Variants in DTNA observed in about 807,000 individuals in gnomAD.
DTNA encodes the protein dystrobrevin alpha, also known as dystrophin-related protein 3.
A neutral mutation model predicts 100.7 loss-of-function variants in DTNA; 43 were observed. That is an observed-to-expected ratio of 0.43 (90% CI 0.33 to 0.55). The LOEUF (loss-of-function observed/expected upper bound fraction) is 0.55. DTNA is among the 20% of genes least tolerant of loss of function. DTNA has a pLI of 0.04. For missense variants in DTNA, 798 were observed against 953.9 expected, an observed-to-expected ratio of 0.84 and a Z score of 2.15; for synonymous variants, 349 against 347.9, an observed-to-expected ratio of 1.00 and a Z score of -0.04.
chr18:34,564,128 C>T (rs199813819), intron 1 of DTNA, among the ~76,000 whole-genome samples: 3 of 151,946 alleles, frequency 2.0e-5, no homozygotes, highest in South Asian at 2.1e-4. Context: ...TTGTGCCCTT[C>T]GACCAACATG....
intron 1 of DTNA, among the ~76,000 whole-genome samples, chr18:34,612,775 C>T (rs1262115326): frequency 1.3e-5 from 2 of 152,146 alleles, no homozygotes; most frequent in Non-Finnish European, 2.9e-5. Flanking sequence ...GTGCCTTGTT[C>T]TTGCCTTATA....
chr18:34,669,744 G>C (rs1478909555), intron 1 of DTNA, among the ~76,000 whole-genome samples: 1 of 152,136 alleles, frequency 6.6e-6, no homozygotes, highest in Admixed American at 6.6e-5. Context: ...TAAGAATGTT[G>C]AATATTGGCC....
intron 1 of DTNA, among the ~76,000 whole-genome samples, chr18:34,665,992 C>T (rs1044341209): frequency 1.3e-5 from 2 of 152,170 alleles, no homozygotes; most frequent in Admixed American, 6.5e-5. Flanking sequence ...CCTGAGGAAT[C>T]GCCACACTGT....
intron 1 of DTNA, among the ~76,000 whole-genome samples, chr18:34,684,213 C>T (rs1438082350): frequency 2.0e-5 from 3 of 152,084 alleles, no homozygotes; most frequent in African/African-American, 7.2e-5. Context: ...GTTTGCTACA[C>T]AGGCATACAG....
intron 1 of DTNA, among the ~76,000 whole-genome samples, chr18:34,559,621 G>T (rs749116037): frequency 2.2e-4 from 33 of 152,122 alleles, no homozygotes; most frequent in Admixed American, 9.2e-4. Flanking sequence ...ATTCACCAAG[G>T]CTCATATAAT....
chr18:34,744,800 TGTCTGTGTG>T (rs2091298984), intron 1 of DTNA, among the ~76,000 whole-genome samples: 1 of 152,184 alleles, frequency 6.6e-6, no homozygotes, highest in African/African-American at 2.4e-5. Flanking sequence ...TGTCCGTGTG[TGTCTGTGTG>T]GGCAGTGCCC....
intron 1 of DTNA, among the ~76,000 whole-genome samples, chr18:34,515,948 G>A: frequency 6.6e-6 from 1 of 152,058 alleles, no homozygotes; most frequent in South Asian, 2.1e-4. Context: ...TAAACAAACT[G>A]CTCAATGTCA....
intron 1 of DTNA, among the ~76,000 whole-genome samples, chr18:34,635,955 TTGTC>T (rs1184403789): frequency 6.6e-6 from 1 of 152,078 alleles, no homozygotes; most frequent in Non-Finnish European, 1.5e-5. Flanking sequence ...TAACCATAGT[TTGTC>T]TGTCAGTCTT....
intron 1 of DTNA, among the ~76,000 whole-genome samples, chr18:34,581,194 G>C (rs1465276012): frequency 6.6e-6 from 1 of 152,196 alleles, no homozygotes; most frequent in Non-Finnish European, 1.5e-5. Flanking sequence ...CTTGCAGTGA[G>C]CTGAGATCGC....
intron 1 of DTNA, among the ~76,000 whole-genome samples, chr18:34,717,611 G>T (rs1332585931): frequency 1.3e-5 from 2 of 152,038 alleles, no homozygotes; most frequent in Admixed American, 6.6e-5. Context: ...ATTTGTGTTG[G>T]ACACTGACAT....
chr18:34,738,554 T>C (rs991896617), intron 1 of DTNA, among the ~76,000 whole-genome samples: 126 of 152,330 alleles, frequency 8.3e-4, no homozygotes, highest in African/African-American at 2.6e-3. Context: ...GCTTTGAAGC[T>C]GGGCTGGAGG....
chr18:34,686,204 C>T (rs2078876843), intron 1 of DTNA, among the ~76,000 whole-genome samples: 1 of 152,098 alleles, frequency 6.6e-6, no homozygotes, highest in Non-Finnish European at 1.5e-5. Flanking sequence ...AGAGGGCATC[C>T]TTGTCTTGTG....
chr18:34,550,585 C>A (rs559148702), intron 1 of DTNA, among the ~76,000 whole-genome samples: 8 of 152,188 alleles, frequency 5.3e-5, no homozygotes, highest in Admixed American at 2.0e-4. Flanking sequence ...TCATTTTGGG[C>A]CTGTCTACAT....
At chr18:34,548,263 C>A (rs1601716520) in intron 1 of DTNA, among the ~76,000 whole-genome samples, 2 of 152,080 alleles carry the variant, frequency 1.3e-5, no homozygotes, top group Middle Eastern at 6.8e-3. Context: ...TGTAGTCTTG[C>A]CTGAAGGTGT....
chr18:34,861,341 C>T (rs901239234), intron 16 of DTNA, among the ~76,000 whole-genome samples: 2 of 151,808 alleles, frequency 1.3e-5, no homozygotes, highest in Non-Finnish European at 2.9e-5. Flanking sequence ...AAAATATTAG[C>T]CGAGCGTGGT....
intron 1 of DTNA, among the ~76,000 whole-genome samples, chr18:34,602,644 A>G (rs1039144288): frequency 1.3e-5 from 2 of 151,950 alleles, no homozygotes; most frequent in African/African-American, 4.8e-5. Flanking sequence ...TGGGAGGATC[A>G]TCAGGCCAGG....
At chr18:34,597,612 A>G (rs1156713546) in intron 1 of DTNA, among the ~76,000 whole-genome samples, 1 of 152,172 alleles carries the variant, frequency 6.6e-6, no homozygotes, top group Non-Finnish European at 1.5e-5. Context: ...TGTCCTTAGT[A>G]TGTCTTAAAA....
chr18:34,799,797 G>A (rs980791288), intron 4 of DTNA, among the ~76,000 whole-genome samples: 1 of 152,174 alleles, frequency 6.6e-6, no homozygotes, highest in Non-Finnish European at 1.5e-5. Context: ...TACTTTGAAT[G>A]AGTAGCAGGT....
rs1282322664 is a variant in DTNA, at chr18:34,791,383, G to A, written c.149-2654G>A. Among the ~76,000 whole-genome samples the A allele has an allele frequency of 4.6e-5, 7 of 152,116 alleles. No homozygotes were observed. The East Asian group carries it at 1.3e-3, about 29-fold the overall frequency. On this transcript the variant is annotated intron_variant, in intron 3 of 22. Coordinates refer to ENST00000444659, the MANE Select transcript of DTNA (RefSeq NM_001386795.1). ...GACCAAGCAGGACGACAGGCTGGATGTCATCAGCACTGCTTTCTTTGCATC... is the reference window on the plus strand; with the variant it reads ...GACCAAGCAGGACGACAGGCTGGATATCATCAGCACTGCTTTCTTTGCATC...
Sources: gnomAD v4.1 joint callset for allele counts (sites outside exome capture counted in the v4.1 genomes callset) on GRCh38, gnomAD v4.1.1 for gene constraint, MANE v1.5 for transcripts, NCBI Gene and HGNC (gene_info 2026-07-23, HGNC 2026-07-21) for gene names.